The following RABGEF1 variants were observed in gnomAD, a reference collection of about 807,000 sequenced individuals.
The protein encoded by RABGEF1 is RAB guanine nucleotide exchange factor 1, also known as rab5 GDP/GTP exchange factor.
Under a neutral mutation model 57.3 loss-of-function variants are expected in RABGEF1, and 26 were observed. The ratio of observed to expected loss-of-function variants is 0.45; its 90% CI spans 0.33 to 0.63. The LOEUF (loss-of-function observed/expected upper bound fraction) is 0.63, where lower values mean the gene tolerates loss of function less well. RABGEF1 is among the 20% of genes least tolerant of loss of function. RABGEF1 has a pLI of 0.02. For missense variants in RABGEF1, 464 were observed against 607.6 expected (o/e 0.76, Z 2.48); for synonymous variants, 185 against 210.7 (o/e 0.88, Z 1.06).
At chr7:66,690,811 C>A (rs763669769) in intron 1 of RABGEF1, among the ~76,000 whole-genome samples, 1 of 151,778 alleles carries the variant, frequency 6.6e-6, no homozygotes, top group African/African-American at 2.4e-5. Flanking sequence ...AGGCCAGGTG[C>A]GGTGCCTCAC....
chr7:66,684,635 TTTTG>T (rs1192514505), intron 1 of RABGEF1, among the ~76,000 whole-genome samples: 3 of 151,936 alleles, frequency 2.0e-5, no homozygotes, highest in East Asian at 1.9e-4. Context: ...TGGCTAAATT[TTTTG>T]TTTGTTTGTT....
chr7:66,808,962 T>C lies in RABGEF1; in HGVS notation c.1154T>C (p.Met385Thr), dbSNP rs774492268. Residue 385 changes from methionine (M) to threonine (T), a missense_variant, in exon 9 of 9, where the codon ATG becomes ACG. Around this residue, in one of 4 missense-constraint regions of RABGEF1, gnomAD observed 151 missense variants for 152.2 expected, o/e 0.99. Coordinates refer to ENST00000284957, the MANE Select transcript of RABGEF1 (RefSeq NM_014504.3). ...NLSQEDFDRY[M>T]SGQTSPRKQE... ...AGTCAGGAGGATTTTGATCGCTACA[T>C]GTCTGGCCAGACCTCTCCCAGGAAG... The C allele has an allele frequency of 6.2e-7, 1 of 1,614,132 alleles. No homozygotes were observed. Among genetic ancestry groups the C allele is most frequent in the South Asian group, 1.1e-5 (1 of 91,082 alleles).
intron 8 of RABGEF1, among the ~76,000 whole-genome samples, chr7:66,807,313 A>G (rs1788657181): frequency 6.6e-6 from 1 of 152,166 alleles, no homozygotes; most frequent in African/African-American, 2.4e-5. Context: ...GACGAACCCC[A>G]CGGGCACTCA....
At chr7:66,716,954 T>G (rs1161042549) in intron 2 of RABGEF1, among the ~76,000 whole-genome samples, 3 of 152,146 alleles carry the variant, frequency 2.0e-5, no homozygotes, top group Non-Finnish European at 4.4e-5. Flanking sequence ...AAGTTTTGTA[T>G]TTTTAGTAGA....
rs1024130038 is a variant in RABGEF1 at position 66,760,442 on chromosome 7, AT to A, written c.-17-11423del. On this transcript the variant is annotated intron_variant, in intron 1 of 8. Coordinates refer to ENST00000284957, the MANE Select transcript of RABGEF1 (RefSeq NM_014504.3). ...TCCCTTGTAAAGTTGGTTAGCATGT[AT>A]TTTTTTTTTTTTTTTTTGGAGACAG... Among the ~76,000 whole-genome samples, 498 of 126,114 alleles carry A rather than the reference AT, an allele frequency of 3.9e-3. 3 individuals carry two copies. Among genetic ancestry groups the A allele is most frequent in the Middle Eastern group, 8.4e-3 (2 of 238 alleles). The allele number at this position is 126,114 out of a possible 152,430, so 82.7% of individuals were successfully genotyped here. A position where few individuals can be genotyped will look rare whatever the true frequency, so the allele number is the denominator to read the frequency against.
At chr7:66,689,541 G>T (rs947541183) in intron 1 of RABGEF1, among the ~76,000 whole-genome samples, 17 of 152,046 alleles carry the variant, frequency 1.1e-4, no homozygotes, top group African/African-American at 2.4e-5. Context: ...GGTGGCTCAC[G>T]CCTATAATCC....
chr7:66,792,971 A>G (rs951298878), intron 4 of RABGEF1, among the ~76,000 whole-genome samples: 2 of 152,150 alleles, frequency 1.3e-5, no homozygotes, highest in East Asian at 1.9e-4. Flanking sequence ...TTACATTATG[A>G]AAGCAATACT....
intron 1 of RABGEF1, among the ~76,000 whole-genome samples, chr7:66,702,673 G>A (rs567490035): frequency 1.3e-4 from 20 of 152,164 alleles, no homozygotes; most frequent in African/African-American, 4.8e-4. Context: ...TCATCTTCAT[G>A]GGTATGAAGT....
At chr7:66,706,976 G>A (rs971940970) in intron 1 of RABGEF1, among the ~76,000 whole-genome samples, 16 of 149,954 alleles carry the variant, frequency 1.1e-4, no homozygotes, top group Admixed American at 8.7e-4. Flanking sequence ...TAGTAGAGAC[G>A]GGGTTTCACC....
At chr7:66,678,564 CA>C (rs58309880), upstream of RABGEF1, among the ~76,000 whole-genome samples, 9,772 of 85,788 alleles carry the variant, frequency 0.11, 216 homozygotes, top group East Asian at 0.23. Flanking sequence ...GAGTCCGTCT[CA>C]AAAAAAAAAA....
intron 1 of RABGEF1, among the ~76,000 whole-genome samples, chr7:66,711,944 G>A (rs1264934169): frequency 1.3e-5 from 2 of 152,108 alleles, no homozygotes; most frequent in Admixed American, 6.6e-5. Flanking sequence ...GTTGACCTGT[G>A]TCTCATTGCC....
At chr7:66,717,824 T>C (rs1795579282) in intron 2 of RABGEF1, among the ~76,000 whole-genome samples, 1 of 152,044 alleles carries the variant, frequency 6.6e-6, no homozygotes, top group African/African-American at 2.4e-5. Flanking sequence ...CCTCCCAAAG[T>C]GCTGGGATTA....
chr7:66,692,254 T>A (rs1386018618), intron 1 of RABGEF1, among the ~76,000 whole-genome samples: 1 of 152,204 alleles, frequency 6.6e-6, no homozygotes, highest in East Asian at 1.9e-4. Context: ...GGAAGGTCCC[T>A]TGGGCACTGG....
At chr7:66,773,386 A>G (rs1807691618) in intron 2 of RABGEF1, among the ~76,000 whole-genome samples, 1 of 152,184 alleles carries the variant, frequency 6.6e-6, no homozygotes, top group African/African-American at 2.4e-5. Flanking sequence ...TGTCTGTCCC[A>G]GAGAAAGAGG....
intron 1 of RABGEF1, among the ~76,000 whole-genome samples, chr7:66,688,435 C>A (rs1363548111): frequency 1.3e-5 from 2 of 152,142 alleles, no homozygotes. Flanking sequence ...TTTACAGATA[C>A]CCACCCAACA....
chr7:66,775,450 C>G, intron 3 of RABGEF1, 57 bp downstream of exon 3: 1 of 1,569,576 alleles, frequency 6.4e-7, no homozygotes, highest in Non-Finnish European at 8.7e-7. Flanking sequence ...CAGAGGAGAT[C>G]CCCAATGCTC....
chr7:66,660,546 G>A, the RABGEF1 span, among the ~76,000 whole-genome samples: 1 of 151,856 alleles, frequency 6.6e-6, no homozygotes, highest in Non-Finnish European at 1.5e-5. Context: ...AACCAGCTGG[G>A]CATGGTGGCT....
intron 2 of RABGEF1, among the ~76,000 whole-genome samples, chr7:66,728,033 T>C (rs534284164): frequency 1.6e-4 from 25 of 152,250 alleles, no homozygotes; most frequent in African/African-American, 6.0e-4. Context: ...CCCTTCCACC[T>C]TTCCAGTGTA....
At chr7:66,782,370 A>G (rs967642708) in intron 3 of RABGEF1, among the ~76,000 whole-genome samples, 2 of 151,662 alleles carry the variant, frequency 1.3e-5, no homozygotes, top group Non-Finnish European at 2.9e-5. Flanking sequence ...TTTCTTGTGT[A>G]TCCTTTTGTG....
Sources: allele counts gnomAD v4.1 joint callset (sites outside exome capture counted in the v4.1 genomes callset), GRCh38; gene constraint gnomAD v4.1.1; regional missense constraint gnomAD v4.1.1; transcripts MANE v1.5; gene names NCBI Gene and HGNC (gene_info 2026-07-23, HGNC 2026-07-21).